The following GRK2 variants were observed in gnomAD, a reference collection of about 807,000 sequenced individuals.
GRK2 encodes G protein-coupled receptor kinase 2.
GRK2 carries 23 observed loss-of-function variants against 97.8 expected under a neutral mutation model. The observed-to-expected ratio is 0.24, with a 90% CI of 0.17 to 0.33. The LOEUF is 0.33. Among genes scored for constraint, GRK2 ranks in the 10% least tolerant of loss-of-function variants. The pLI is 1.00. For missense variants in GRK2, 633 were observed against 956.9 expected, an observed-to-expected ratio of 0.66 and a Z score of 4.47; for synonymous variants, 425 against 381.7, an observed-to-expected ratio of 1.11 and a Z score of -1.32.
intron 1 of GRK2, among the ~76,000 whole-genome samples, chr11:67,275,586 G>A (rs1259194692): frequency 6.6e-6 from 1 of 152,100 alleles, no homozygotes; most frequent in South Asian, 2.1e-4. Context: ...CCTGAGTCCT[G>A]CTCTCCTGCC....
rs759489796 is a variant in GRK2, at chr11:67,266,651, A to AGCGGCGGCGGCG, written c.-35_-24dup. ...CCGGGCCGAGCGCCGAGCGAGCAGG[A>AGCGGCGGCGGCG]GCGGCGGCGGCGGCGGCGGCGGCGG... On this transcript the variant is annotated 5_prime_UTR_variant, in exon 1 of 21. Transcript: ENST00000308595. 5 of 857,628 alleles carry AGCGGCGGCGGCG rather than the reference A, an allele frequency of 5.8e-6. No individual in the cohort carries two copies. Among genetic ancestry groups the AGCGGCGGCGGCG allele is most frequent in the Admixed American group, 1.2e-4 (2 of 16,394 alleles). 53.1% of individuals were successfully genotyped at this position (857,628 alleles called of 1,614,324 possible).
At chr11:67,285,034 G>C (rs751439452) in intron 19 of GRK2, 41 bp from the exon 20 acceptor site, 1 of 1,612,084 alleles carries the variant, frequency 6.2e-7, no homozygotes. Flanking sequence ...GTGGCTGGCC[G>C]GCCCGGCTCT....
At chr11:67,274,454 C>T (rs1209208952) in intron 1 of GRK2, among the ~76,000 whole-genome samples, 2 of 139,470 alleles carry the variant, frequency 1.4e-5, no homozygotes, top group Non-Finnish European at 3.0e-5. Flanking sequence ...CTTTGCCTGT[C>T]ATCTGCATCT....
intron 6 of GRK2, 143 bp downstream of exon 6, chr11:67,280,043 GA>G (rs1224534621): frequency 3.8e-6 from 3 of 781,950 alleles, no homozygotes; most frequent in Non-Finnish European, 6.5e-6. Context: ...CCCTTGCAAG[GA>G]CTCCTGAGAA....
intron 1 of GRK2, among the ~76,000 whole-genome samples, chr11:67,268,923 G>C (rs547471685): frequency 1.5e-4 from 23 of 152,366 alleles, no homozygotes; most frequent in African/African-American, 5.5e-4. Flanking sequence ...AGGTTGGATA[G>C]GATTCTAGGA....
At position 67,279,623 on chromosome 11, in the gene GRK2, C is replaced by T. The variant is rs1294263309; in HGVS notation, c.367-3C>T. ...AATTCATGGCCACCTCTGTCTTCCC[C>T]AGCCCTTCTCGAAGAGTGCCACTGA... On this transcript the variant is annotated splice_region_variant and splice_polypyrimidine_tract_variant and intron_variant, in intron 4 of 20. Coordinates refer to ENST00000308595, the MANE Select transcript of GRK2 (RefSeq NM_001619.5). 6.2e-7 allele frequency: 1 copy of T among 1,613,346 alleles called. No individual in the cohort carries two copies. The highest frequency in any genetic ancestry group is 8.5e-7 in the Non-Finnish European group (1 of 1,179,990).
rs143183928 is a variant in GRK2, at chr11:67,276,777, T to C, written c.114-495T>C. 555 of 154,044 alleles carry C rather than the reference T, an allele frequency of 3.6e-3. 5 individuals carry two copies. Among genetic ancestry groups the C allele is most frequent in the Non-Finnish European group, 5.4e-3 (371 of 68,848 alleles). The allele number at this position is 154,044 out of a possible 1,614,324, so 9.5% of individuals were successfully genotyped here. On this transcript the variant is annotated intron_variant, in intron 1 of 20. Coordinates refer to ENST00000308595, the MANE Select transcript of GRK2 (RefSeq NM_001619.5). This position sits in a 1 kb window ranked among gnomAD's most constrained non-coding sequence, Gnocchi z 4.2. ...TGGATCTGTTCATATGAGTGGAATC[T>C]CACAATATGTGGCAACCCTTTGTGA...
At position 67,281,452 on chromosome 11, in the gene GRK2, C is replaced by A; in HGVS notation, c.648-7C>A. The A allele has an allele frequency of 6.2e-7, 1 of 1,613,014 alleles. No homozygotes were observed. The highest frequency in any genetic ancestry group is 8.5e-7 in the Non-Finnish European group (1 of 1,179,670). ...GTGGGTGTTGACTGCCGACCTCTGC[C>A]CCGTAGGTACGCCATGAAGTGCCTG... is the stretch of plus-strand genomic sequence containing the variant. On this transcript the variant is annotated splice_polypyrimidine_tract_variant and splice_region_variant and intron_variant, in intron 8 of 20. Coordinates refer to ENST00000308595, the MANE Select transcript of GRK2 (RefSeq NM_001619.5). The surrounding 1 kb of genome is among the most constrained non-coding windows in gnomAD (Gnocchi z 5.7).
At position 67,266,709 on chromosome 11, in the gene GRK2, C is replaced by G; in HGVS notation, c.10C>G (p.Leu4Val). The change falls in exon 1 of 21, where the codon CTG becomes GTG. Residue 4 changes from leucine (L) to valine (V), a missense_variant. Leu to Val is a conservative substitution (Grantham distance 32). Transcript: ENST00000308595. Reference protein sequence around the residue: MADLEAVLADVSYL... With the variant: MADVEAVLADVSYL... ...CAGCGCCGCCGCCAAGATGGCGGAC[C>G]TGGAGGCGGTGCTGGCCGACGTGAG... 1 of 1,276,076 alleles carries G rather than the reference C, an allele frequency of 7.8e-7. No homozygotes were observed. The highest frequency in any genetic ancestry group is 1.0e-6 in the Non-Finnish European group (1 of 1,000,724). 79.0% of individuals were successfully genotyped at this position (1,276,076 alleles called of 1,614,324 possible). A position where few individuals can be genotyped will look rare whatever the true frequency, so the allele number is the denominator to read the frequency against.
In GRK2 at chr11:67,285,328, G is replaced by A. The variant is rs1440574399; in HGVS notation, c.1948G>A (p.Ala650Thr). 1.9e-6 allele frequency: 3 copies of A among 1,609,798 alleles called. No individual in the cohort carries two copies. Among genetic ancestry groups the A allele is most frequent in the Non-Finnish European group, 2.5e-6 (3 of 1,179,118 alleles). The change falls in exon 21 of 21, where the codon GCC becomes ACC. Residue 650 changes from alanine (A) to threonine (T), a missense_variant. Physicochemically the swap from Ala to Thr is moderately conservative, Grantham distance 58 (BLOSUM62 0). This residue lies in a region of GRK2 where 180 missense variants were observed against 311.3 expected (regional missense o/e 0.58). Transcript: ENST00000308595. Reference sequence around the variant, plus strand: ...GCAGTGGAAGAAGGAGCTGCGCGACGCCTACCGCGAGGCCCAGCAGCTGGT... The same window carrying A: ...GCAGTGGAAGAAGGAGCTGCGCGACACCTACCGCGAGGCCCAGCAGCTGGT... ...LVQWKKELRD[A>T]YREAQQLVQR... is the part of the protein sequence containing the mutation.
rs752926407 is a variant in GRK2, at chr11:67,272,166, G to A, written c.114-5106G>A. ...TGGGTTCCAGGGAAGGGGGCTGCTC[G>A]TCTCCTACAGCTCCTGGTCAGGGAC... On this transcript the variant is annotated intron_variant, in intron 1 of 20. Coordinates refer to ENST00000308595, the MANE Select transcript of GRK2 (RefSeq NM_001619.5). Among the ~76,000 whole-genome samples the A allele has an allele frequency of 1.8e-4, 28 of 152,192 alleles. 1 individual carries two copies. Among genetic ancestry groups the A allele is most frequent in the South Asian group, 4.1e-4 (2 of 4,834 alleles).
In GRK2 at chr11:67,276,085, ACTTGCG is replaced by A. The variant is rs1472396181; in HGVS notation, c.114-1186_114-1181del. Among the ~76,000 whole-genome samples the A allele has an allele frequency of 6.6e-6, 1 of 152,172 alleles. No homozygotes were observed. The highest frequency in any genetic ancestry group is 1.9e-4 in the East Asian group (1 of 5,192). On this transcript the variant is annotated intron_variant, in intron 1 of 20. Transcript: ENST00000308595. This position sits in a 1 kb window ranked among gnomAD's most constrained non-coding sequence, Gnocchi z 4.2. ...GCCATGGCAAGCACAGAGAACCTGGACTTGCGGATCCAAATCTCCACCAGCTGCAGT... is the reference window on the plus strand; with the variant it reads ...GCCATGGCAAGCACAGAGAACCTGGAGATCCAAATCTCCACCAGCTGCAGT...
At chr11:67,278,845 C>T (rs925443444) in intron 2 of GRK2, among the ~76,000 whole-genome samples, 9 of 152,316 alleles carry the variant, frequency 5.9e-5, no homozygotes, top group East Asian at 1.9e-4. Flanking sequence ...ACAGAGCAGG[C>T]GCAGGGCCCT....
At chr11:67,275,586 G>T (rs1259194692) in intron 1 of GRK2, among the ~76,000 whole-genome samples, 2 of 151,982 alleles carry the variant, frequency 1.3e-5, no homozygotes, top group Non-Finnish European at 2.9e-5. Flanking sequence ...CCTGAGTCCT[G>T]CTCTCCTGCC....
Position 67,281,334 on chromosome 11 carries a change from C to A in GRK2, c.648-125C>A. On this transcript the variant is annotated intron_variant, in intron 8 of 20. Coordinates refer to ENST00000308595, the MANE Select transcript of GRK2 (RefSeq NM_001619.5). The surrounding 1 kb of genome is among the most constrained non-coding windows in gnomAD (Gnocchi z 5.7). ...CCCCGCAGGCTCCTCTGGCCCCAGCCCTCCCTGTCTCTGATTTGTGTCACA... is the reference window on the plus strand; with the variant it reads ...CCCCGCAGGCTCCTCTGGCCCCAGCACTCCCTGTCTCTGATTTGTGTCACA... 1.8e-6 allele frequency: 2 copies of A among 1,106,248 alleles called. No homozygotes were observed. The highest frequency in any genetic ancestry group is 2.7e-6 in the Non-Finnish European group (2 of 750,618). The allele number at this position is 1,106,248 out of a possible 1,614,324, so 68.5% of individuals were successfully genotyped here. A position where few individuals can be genotyped will look rare whatever the true frequency, so the allele number is the denominator to read the frequency against.
Position 67,286,345 on chromosome 11 carries a change from G to C in GRK2, c.*895G>C, listed in dbSNP as rs955167607. 1.4e-6 allele frequency: 1 copy of C among 694,614 alleles called. No individual in the cohort carries two copies. Among genetic ancestry groups the C allele is most frequent in the Non-Finnish European group, 2.6e-6 (1 of 382,124 alleles). The allele number at this position is 694,614 out of a possible 1,614,324, so 43.0% of individuals were successfully genotyped here. A position where few individuals can be genotyped will look rare whatever the true frequency, so the allele number is the denominator to read the frequency against. On this transcript the variant is annotated 3_prime_UTR_variant, in exon 21 of 21. Coordinates refer to ENST00000308595, the MANE Select transcript of GRK2 (RefSeq NM_001619.5). ...CAGGCTGGCCAGCCCCACAGCCCAC[G>C]TCCTGTCAGTGCCGCCGCCTCGCCC... is the stretch of plus-strand genomic sequence containing the variant.
At chr11:67,275,750 T>C (rs1207347371) in intron 1 of GRK2, among the ~76,000 whole-genome samples, 1 of 152,148 alleles carries the variant, frequency 6.6e-6, no homozygotes, top group Non-Finnish European at 1.5e-5. Context: ...CCCCCTGGCT[T>C]CGCCAGCTGC....
chr11:67,271,006 C>G (rs931125629), intron 1 of GRK2: 1 of 152,284 alleles, frequency 6.6e-6, no homozygotes, highest in Non-Finnish European at 1.5e-5. Context: ...AGGTTGCACC[C>G]AGGTGGGCTT....
chr11:67,270,474 G>T (rs756421824), intron 1 of GRK2, among the ~76,000 whole-genome samples: 1 of 151,802 alleles, frequency 6.6e-6, no homozygotes, highest in African/African-American at 2.4e-5. Context: ...CCGCTGCCTC[G>T]TTCCTGTTAA....
Sources: allele counts gnomAD v4.1 joint callset (sites outside exome capture counted in the v4.1 genomes callset), GRCh38; gene constraint gnomAD v4.1.1; regional missense constraint gnomAD v4.1.1; non-coding constraint Gnocchi (gnomAD v3.1); transcripts MANE v1.5; gene names NCBI Gene and HGNC (gene_info 2026-07-23, HGNC 2026-07-21).